TRPS1: variants seen among roughly 807,000 people sequenced by gnomAD.
TRPS1 encodes zinc finger transcription factor Trps1.
Under a neutral mutation model 101.2 loss-of-function variants are expected in TRPS1, and 6 were observed. That is an observed-to-expected ratio of 0.06 (90% CI 0.03 to 0.12). The LOEUF (loss-of-function observed/expected upper bound fraction) is 0.12, where lower values mean the gene tolerates loss of function less well. Among genes scored for constraint, TRPS1 ranks in the 10% least tolerant of loss-of-function variants. TRPS1 has a pLI of 1.00. For synonymous variants in TRPS1, 578 were observed against 589.8 expected (o/e 0.98, Z 0.29); for missense variants, 1,363 against 1,567.0 (o/e 0.87, Z 2.20).
intron 5 of TRPS1, among the ~76,000 whole-genome samples, chr8:115,454,150 C>A (rs191782583): frequency 1.2e-3 from 190 of 152,306 alleles, no homozygotes; most frequent in Non-Finnish European, 2.2e-3. Flanking sequence ...TGTATGTGCA[C>A]ATTTATGCTA....
At chr8:115,562,575 A>T (rs1322167016) in intron 5 of TRPS1, among the ~76,000 whole-genome samples, 1 of 151,880 alleles carries the variant, frequency 6.6e-6, no homozygotes, top group Non-Finnish European at 1.5e-5. Flanking sequence ...AATGTTGTTG[A>T]ATTTTAGTAA....
chr8:115,496,095 T>C (rs898152892), intron 5 of TRPS1, among the ~76,000 whole-genome samples: 5 of 152,182 alleles, frequency 3.3e-5, no homozygotes, highest in Non-Finnish European at 2.9e-5. Flanking sequence ...AGCAACTAAC[T>C]ACAACATGTC....
At chr8:115,425,099 T>C (rs1813155949) in intron 5 of TRPS1, among the ~76,000 whole-genome samples, 1 of 152,106 alleles carries the variant, frequency 6.6e-6, no homozygotes, top group South Asian at 2.1e-4. Context: ...ATAGCCAGAC[T>C]CTTACCAGGA....
At chr8:115,588,476 T>C (rs1348724560) in intron 4 of TRPS1, among the ~76,000 whole-genome samples, 1 of 152,164 alleles carries the variant, frequency 6.6e-6, no homozygotes, top group African/African-American at 2.4e-5. Flanking sequence ...TCTTTTTAAA[T>C]GGCATAAAAC....
intron 1 of TRPS1, chr8:115,667,929 C>T: frequency 6.5e-7 from 1 of 1,535,356 alleles, no homozygotes; most frequent in Non-Finnish European, 8.7e-7. Context: ...CCCCAGAAAA[C>T]TTGCAGTGGC....
At chr8:115,635,431 A>G (rs1818746177) in intron 1 of TRPS1, among the ~76,000 whole-genome samples, 1 of 152,192 alleles carries the variant, frequency 6.6e-6, no homozygotes, top group Non-Finnish European at 1.5e-5. Context: ...CTCACGTAAC[A>G]TTTATTCATT....
chr8:115,490,658 C>T (rs1312133068), intron 5 of TRPS1, among the ~76,000 whole-genome samples: 1 of 152,096 alleles, frequency 6.6e-6, no homozygotes, highest in Non-Finnish European at 1.5e-5. Context: ...ATTGTTATTG[C>T]TAACATTCAC....
At chr8:115,603,688 TAC>T (rs1182643623) in intron 4 of TRPS1, among the ~76,000 whole-genome samples, 183 bp downstream of exon 4, 1 of 152,186 alleles carries the variant, frequency 6.6e-6, no homozygotes, top group African/African-American at 2.4e-5. Context: ...AATTAAAATC[TAC>T]AGTGATCACA....
chr8:115,609,186 T>G (rs1282210730), intron 3 of TRPS1, among the ~76,000 whole-genome samples: 1 of 152,136 alleles, frequency 6.6e-6, no homozygotes, highest in East Asian at 1.9e-4. Flanking sequence ...AATACCATAT[T>G]AGATAGCACA....
Position 115,668,775 on chromosome 8 carries a change from G to T in TRPS1, c.-352C>A, listed in dbSNP as rs1478940620. On this transcript the variant is annotated 5_prime_UTR_variant, in exon 1 of 7. Coordinates refer to ENST00000395715, the MANE Select transcript of TRPS1 (RefSeq NM_014112.5). ...AGGAAATAGAGCAAGGATGTGCCCGGTGCCGGGTGGGAGAGGGGAGGGGGT... is the reference window on the plus strand; with the variant it reads ...AGGAAATAGAGCAAGGATGTGCCCGTTGCCGGGTGGGAGAGGGGAGGGGGT... The T allele has an allele frequency of 6.7e-6, 1 of 149,594 alleles. No homozygotes were observed. Among genetic ancestry groups the T allele is most frequent in the Non-Finnish European group, 1.5e-5 (1 of 67,530 alleles). The allele number at this position is 149,594 out of a possible 1,614,324, so 9.3% of individuals were successfully genotyped here.
chr8:115,612,094 G>A (rs1480400293), intron 3 of TRPS1, among the ~76,000 whole-genome samples: 1 of 150,934 alleles, frequency 6.6e-6, no homozygotes, highest in East Asian at 1.9e-4. Flanking sequence ...AGAAAGGAAG[G>A]AGGATGAAAA....
intron 5 of TRPS1, among the ~76,000 whole-genome samples, chr8:115,449,301 A>AT (rs1813810660): frequency 1.3e-5 from 2 of 152,146 alleles, no homozygotes; most frequent in Admixed American, 1.3e-4. Flanking sequence ...AAAAAAAAAG[A>AT]TTTTTGCTAG....
chr8:115,425,675 A>G lies in TRPS1; in HGVS notation c.2701-7223T>C, dbSNP rs539423538. Among the ~76,000 whole-genome samples the G allele has an allele frequency of 3.3e-5, 5 of 152,260 alleles. No individual in the cohort carries two copies. In the East Asian group the frequency reaches 9.7e-4, roughly 29 times the overall value. Reference sequence around the variant, plus strand: ...TCTCAGAGTGAAAGAGCAGAAAATCACTATTTCCCCATGTATATCCCACTC... The same window carrying G: ...TCTCAGAGTGAAAGAGCAGAAAATCGCTATTTCCCCATGTATATCCCACTC... On this transcript the variant is annotated intron_variant, in intron 5 of 6. Coordinates refer to ENST00000395715, the MANE Select transcript of TRPS1 (RefSeq NM_014112.5).
At chr8:115,596,541 G>A (rs1817788059) in intron 4 of TRPS1, among the ~76,000 whole-genome samples, 1 of 151,836 alleles carries the variant, frequency 6.6e-6, no homozygotes, top group South Asian at 2.1e-4. Context: ...CGAGATCTAT[G>A]CGTGTGTAGA....
intron 5 of TRPS1, among the ~76,000 whole-genome samples, chr8:115,444,107 A>G (rs1813673235): frequency 6.6e-6 from 1 of 152,168 alleles, no homozygotes; most frequent in Non-Finnish European, 1.5e-5. Flanking sequence ...CCCCATCCTT[A>G]CCCCTTTGAT....
intron 1 of TRPS1, among the ~76,000 whole-genome samples, chr8:115,653,619 T>TATAA (rs1277232481): frequency 3.3e-5 from 5 of 152,030 alleles, no homozygotes; most frequent in Non-Finnish European, 7.3e-5. Context: ...ACAAGATATT[T>TATAA]ATAAAAGGCT....
At chr8:115,667,583 T>C (rs1024568235) in intron 1 of TRPS1, among the ~76,000 whole-genome samples, 1 of 152,120 alleles carries the variant, frequency 6.6e-6, no homozygotes, top group African/African-American at 2.4e-5. Context: ...AGTCTGCCCC[T>C]TCCTCAGCCC....
At chr8:115,482,670 A>G (rs898722848) in intron 5 of TRPS1, among the ~76,000 whole-genome samples, 4 of 152,138 alleles carry the variant, frequency 2.6e-5, no homozygotes, top group African/African-American at 9.7e-5. Context: ...AGGCAAGGTA[A>G]CTCTTTGATT....
At chr8:115,492,914 C>G (rs1815063806) in intron 5 of TRPS1, among the ~76,000 whole-genome samples, 1 of 152,052 alleles carries the variant, frequency 6.6e-6, no homozygotes, top group African/African-American at 2.4e-5. Context: ...GGGGTTTCAC[C>G]ATCTTGGCCA....
Sources: gnomAD v4.1 joint callset for allele counts (sites outside exome capture counted in the v4.1 genomes callset) on GRCh38, gnomAD v4.1.1 for gene constraint, MANE v1.5 for transcripts, NCBI Gene and HGNC (gene_info 2026-07-23, HGNC 2026-07-21) for gene names.